ME1: variants seen among roughly 807,000 people sequenced by gnomAD.
The protein encoded by ME1 is malic enzyme 1.
Under a neutral mutation model 66.4 loss-of-function variants are expected in ME1, and 74 were observed. That is an observed-to-expected ratio of 1.11 (90% CI 0.92 to 1.35). The LOEUF is 1.35. Ranked by LOEUF, ME1 falls within the 40% of genes most tolerant of loss-of-function variation. The pLI is 0.00. For missense variants in ME1, 750 were observed against 694.1 expected (o/e 1.08, Z -0.90); for synonymous variants, 251 against 235.6 (o/e 1.07, Z -0.60).
At chr6:83,423,670 A>G (rs1770314276) in intron 1 of ME1, among the ~76,000 whole-genome samples, 1 of 152,042 alleles carries the variant, frequency 6.6e-6, no homozygotes, top group Non-Finnish European at 1.5e-5. Context: ...GTGGTAGCAC[A>G]TGCCTGTAGT....
At chr6:83,260,758 C>T (rs1013942424) in intron 6 of ME1, among the ~76,000 whole-genome samples, 5 of 152,174 alleles carry the variant, frequency 3.3e-5, no homozygotes, top group Non-Finnish European at 5.9e-5. Flanking sequence ...TCTCCAGCTC[C>T]ATCCATGTTC....
intron 11 of ME1, among the ~76,000 whole-genome samples, chr6:83,225,411 A>G (rs1790176688): frequency 6.6e-6 from 1 of 152,112 alleles, no homozygotes; most frequent in African/African-American, 2.4e-5. Context: ...TAAAGCATCA[A>G]ATCCCCAAGG....
intron 13 of ME1, among the ~76,000 whole-genome samples, chr6:83,213,966 A>G (rs1201481702): frequency 6.6e-6 from 1 of 152,158 alleles, no homozygotes; most frequent in East Asian, 1.9e-4. Flanking sequence ...CCTTTTCTCT[A>G]TTTGTTTTCC....
intron 5 of ME1, among the ~76,000 whole-genome samples, chr6:83,318,183 T>A (rs1307481884): frequency 6.8e-6 from 1 of 147,368 alleles, no homozygotes; most frequent in Non-Finnish European, 1.5e-5. Flanking sequence ...ACATTAGACC[T>A]AAAACCATAA....
chr6:83,281,523 C>T (rs79991124), intron 6 of ME1, among the ~76,000 whole-genome samples: 2,475 of 152,032 alleles, frequency 0.016, 69 homozygotes, highest in East Asian at 0.06. Flanking sequence ...CACAAACTTC[C>T]GGCCAGGCAC....
At chr6:83,228,770 AAAAC>A in intron 10 of ME1, 52 bp downstream of exon 10, 1 of 1,231,024 alleles carries the variant, frequency 8.1e-7, no homozygotes, top group Non-Finnish European at 1.2e-6. Flanking sequence ...GGTAGTAAAA[AAAAC>A]AATCAGGTCA....
chr6:83,401,635 T>C (rs1769843477), intron 2 of ME1, among the ~76,000 whole-genome samples: 1 of 152,168 alleles, frequency 6.6e-6, no homozygotes. Flanking sequence ...ACAAACTGAG[T>C]CAGCCTTTTT....
chr6:83,324,829 C>T (rs561174308), intron 5 of ME1, among the ~76,000 whole-genome samples: 1 of 147,466 alleles, frequency 6.8e-6, no homozygotes, highest in African/African-American at 2.5e-5. Context: ...CTATTCCAAA[C>T]AATAGAAAAA....
chr6:83,281,869 G>C (rs1195098411), intron 6 of ME1, among the ~76,000 whole-genome samples: 1 of 72,800 alleles, frequency 1.4e-5, no homozygotes, highest in Non-Finnish European at 2.9e-5. Context: ...AAAAAAAAGA[G>C]AGAAAAAAAC....
chr6:83,240,251 T>G (rs908002667), intron 7 of ME1, among the ~76,000 whole-genome samples: 23 of 152,026 alleles, frequency 1.5e-4, no homozygotes, highest in Non-Finnish European at 3.4e-4. Flanking sequence ...TTGCTGATGA[T>G]GGTATTGGTG....
intron 6 of ME1, among the ~76,000 whole-genome samples, chr6:83,261,878 G>A (rs547440867): frequency 8.6e-4 from 131 of 152,022 alleles, no homozygotes; most frequent in African/African-American, 3.0e-3. Flanking sequence ...GCTAGGCGTG[G>A]TGGCAGGCGC....
chr6:83,316,784 C>T (rs927336039), intron 5 of ME1, among the ~76,000 whole-genome samples: 1 of 151,852 alleles, frequency 6.6e-6, no homozygotes, highest in African/African-American at 2.4e-5. Context: ...TTGCAATGGA[C>T]AGTTAAAAAT....
chr6:83,400,233 T>C (rs986582623), intron 2 of ME1, among the ~76,000 whole-genome samples: 3 of 152,172 alleles, frequency 2.0e-5, no homozygotes, highest in South Asian at 4.1e-4. Context: ...GGTGGATCCC[T>C]CATGAATGGC....
chr6:83,389,943 C>G lies in ME1; in HGVS notation c.362+8424G>C, dbSNP rs1043217517. On this transcript the variant is annotated intron_variant, in intron 3 of 13. Transcript: ENST00000369705. Reference sequence around the variant, plus strand: ...TGGGAATAAGACAATCCAAGCGAGCCCAAAAATATTCTTAAAAATGATTAT... The same window carrying G: ...TGGGAATAAGACAATCCAAGCGAGCGCAAAAATATTCTTAAAAATGATTAT... Among the ~76,000 whole-genome samples, 33 of 151,702 alleles carry G rather than the reference C, an allele frequency of 2.2e-4. 2 individuals carry two copies. The highest frequency in any genetic ancestry group is 1.5e-5 in the Non-Finnish European group (1 of 67,918).
chr6:83,375,409 T>C (rs1769270337), intron 3 of ME1, among the ~76,000 whole-genome samples: 1 of 152,120 alleles, frequency 6.6e-6, no homozygotes, highest in African/African-American at 2.4e-5. Flanking sequence ...ATTGTTGGTG[T>C]ATAGGAATGC....
At chr6:83,427,420 T>C (rs1488432008) in intron 1 of ME1, among the ~76,000 whole-genome samples, 2 of 152,190 alleles carry the variant, frequency 1.3e-5, no homozygotes, top group African/African-American at 4.8e-5. Flanking sequence ...TAATTAAAAT[T>C]TCATGAGATT....
rs868374265 is a variant in ME1, at chr6:83,388,091, C to T, written c.362+10276G>A. ...TCTTCCTTCTTTCCTTCCTTCCTTC[C>T]TTTTTTTTTTTGGACAGGATCTCAC... On this transcript the variant is annotated intron_variant, in intron 3 of 13. Transcript: ENST00000369705. Among the ~76,000 whole-genome samples the T allele has an allele frequency of 1.8e-4, 24 of 133,400 alleles. 1 individual carries two copies. Among genetic ancestry groups the T allele is most frequent in the East Asian group, 8.6e-4 (4 of 4,650 alleles). 87.5% of individuals were successfully genotyped at this position (133,400 alleles called of 152,430 possible). A position where few individuals can be genotyped will look rare whatever the true frequency, so the allele number is the denominator to read the frequency against.
At chr6:83,419,461 T>C (rs1245964080) in intron 1 of ME1, among the ~76,000 whole-genome samples, 1 of 152,218 alleles carries the variant, frequency 6.6e-6, no homozygotes, top group Non-Finnish European at 1.5e-5. Context: ...AGGGCATATC[T>C]GATTCATGTC....
chr6:83,429,759 A>C (rs979597352), intron 1 of ME1, among the ~76,000 whole-genome samples: 3 of 152,220 alleles, frequency 2.0e-5, no homozygotes, highest in Non-Finnish European at 4.4e-5. Context: ...TAAGTCATTA[A>C]TATGATCAAC....
Sources: allele counts gnomAD v4.1 joint callset (sites outside exome capture counted in the v4.1 genomes callset), GRCh38; gene constraint gnomAD v4.1.1; transcripts MANE v1.5; gene names NCBI Gene and HGNC (gene_info 2026-07-23, HGNC 2026-07-21).